AOPEP: variants seen among roughly 807,000 people sequenced by gnomAD.
The protein encoded by AOPEP is aminopeptidase O (putative).
Under a neutral mutation model 98.1 loss-of-function variants are expected in AOPEP, and 77 were observed. The observed-to-expected ratio is 0.78, with a 90% CI of 0.65 to 0.95. The LOEUF is 0.95. Among genes scored for constraint, AOPEP ranks in the 40% least tolerant of loss-of-function variants. The pLI, the probability that AOPEP is intolerant of heterozygous loss-of-function variation, is 0.00. For synonymous variants in AOPEP, 346 were observed against 365.3 expected, an observed-to-expected ratio of 0.95 and a Z score of 0.60; for missense variants, 1,024 against 1,024.7, an observed-to-expected ratio of 1.00 and a Z score of 0.01.
intron 5 of AOPEP, among the ~76,000 whole-genome samples, chr9:94,830,589 G>A (rs7038891): frequency 0.95 from 144,343 of 152,332 alleles, 68,409 homozygotes; most frequent in Middle Eastern, 0.99. Flanking sequence ...TATTTGGGTC[G>A]AATGGTATTT....
intron 11 of AOPEP, among the ~76,000 whole-genome samples, chr9:94,993,152 A>G (rs1453917166): frequency 6.6e-6 from 1 of 152,156 alleles, no homozygotes; most frequent in African/African-American, 2.4e-5. Context: ...AGATGAAAAA[A>G]TTTTTGCTGG....
chr9:95,118,746 C>T, the AOPEP span, among the ~76,000 whole-genome samples: 1 of 152,176 alleles, frequency 6.6e-6, no homozygotes, highest in Admixed American at 6.5e-5. Context: ...GCGAGTAGAT[C>T]ATTCTGTTTT....
intron 7 of AOPEP, among the ~76,000 whole-genome samples, chr9:94,944,943 T>C (rs957871149): frequency 3.3e-5 from 5 of 152,214 alleles, no homozygotes; most frequent in African/African-American, 1.2e-4. Flanking sequence ...ATGGAAATCA[T>C]TTAATGTTCT....
chr9:94,890,019 T>A (rs551757706), intron 5 of AOPEP, among the ~76,000 whole-genome samples: 1 of 151,646 alleles, frequency 6.6e-6, no homozygotes, highest in Admixed American at 6.6e-5. Context: ...CTAATTGTAT[T>A]ACTTGATTTT....
intron 4 of AOPEP, among the ~76,000 whole-genome samples, chr9:94,793,722 A>G (rs1289748145): frequency 1.3e-5 from 2 of 152,066 alleles, no homozygotes; most frequent in African/African-American, 2.4e-5. Context: ...GTTGAGAAGA[A>G]GAGATGTGAG....
intron 13 of AOPEP, among the ~76,000 whole-genome samples, chr9:95,017,609 G>A (rs1316864711): frequency 6.6e-6 from 1 of 152,142 alleles, no homozygotes; most frequent in Non-Finnish European, 1.5e-5. Context: ...CAGCAAAGAT[G>A]GTGATTCTGA....
At chr9:94,969,287 A>G (rs1181600636) in intron 10 of AOPEP, among the ~76,000 whole-genome samples, 1 of 152,052 alleles carries the variant, frequency 6.6e-6, no homozygotes, top group Non-Finnish European at 1.5e-5. Context: ...AGGCTGGCTG[A>G]CCACCGACAG....
At chr9:95,060,622 A>G in intron 13 of AOPEP, 72 bp from the exon 14 acceptor site, 1 of 986,150 alleles carries the variant, frequency 1.0e-6, no homozygotes, top group Non-Finnish European at 1.6e-6. Flanking sequence ...TGTGGTCTTC[A>G]GTCTGAACAT....
intron 7 of AOPEP, among the ~76,000 whole-genome samples, chr9:94,950,283 G>A (rs187779950): frequency 6.6e-6 from 1 of 152,352 alleles, no homozygotes; most frequent in East Asian, 1.9e-4. Flanking sequence ...ACAGAACGCA[G>A]ATAATAGCCA....
At position 94,930,147 on chromosome 9, in the gene AOPEP, C is replaced by T. The variant is rs1016564137; in HGVS notation, c.1661+1616C>T. 6.6e-6 allele frequency among the ~76,000 whole-genome samples: 1 copy of T among 152,210 alleles called. No individual in the cohort carries two copies. Among genetic ancestry groups the T allele is most frequent in the Non-Finnish European group, 1.5e-5 (1 of 68,048 alleles). ...CGGAAAGCCAGGAGAACGGTTGCAGCCTTGCAGTAGTCCATGCAAGAGGCC... is the reference window on the plus strand; with the variant it reads ...CGGAAAGCCAGGAGAACGGTTGCAGTCTTGCAGTAGTCCATGCAAGAGGCC... On this transcript the variant is annotated intron_variant, in intron 7 of 16. Transcript: ENST00000375315. This position sits in a 1 kb window ranked among gnomAD's most constrained non-coding sequence, Gnocchi z 4.5.
intron 11 of AOPEP, among the ~76,000 whole-genome samples, chr9:95,000,580 C>G (rs1041501464): frequency 6.6e-6 from 1 of 152,014 alleles, no homozygotes; most frequent in African/African-American, 2.4e-5. Context: ...TGGTGGCAGG[C>G]GCCTGTAATC....
chr9:95,085,484 CAGTGATT>C (rs2070528537), intron 16 of AOPEP: 1 of 532,944 alleles, frequency 1.9e-6, no homozygotes, highest in African/African-American at 1.9e-5. Flanking sequence ...GATTGGTGAA[CAGTGATT>C]GGTTTCCGCT....
the AOPEP span, among the ~76,000 whole-genome samples, chr9:95,112,567 T>C: frequency 5.0e-4 from 76 of 152,226 alleles, no homozygotes; most frequent in Non-Finnish European, 2.4e-4. Context: ...GGAGGCCACG[T>C]TGGCTGTGGG....
chr9:94,821,766 AT>A (rs957721019), intron 5 of AOPEP, among the ~76,000 whole-genome samples: 1 of 152,028 alleles, frequency 6.6e-6, no homozygotes, highest in Non-Finnish European at 1.5e-5. Context: ...TAACTAATCT[AT>A]TTTTTCTTTT....
chr9:94,933,651 A>G, intron 7 of AOPEP: 1 of 985,442 alleles, frequency 1.0e-6, no homozygotes, highest in South Asian at 4.7e-5. Context: ...ATCCATAGCC[A>G]AAATAAAGTC....
chr9:94,827,010 G>C (rs1220894967), intron 5 of AOPEP, among the ~76,000 whole-genome samples: 1 of 152,184 alleles, frequency 6.6e-6, no homozygotes, highest in Non-Finnish European at 1.5e-5. Flanking sequence ...ACTGGCTTTT[G>C]GTAGATCTTG....
In AOPEP at chr9:94,771,898, A is replaced by G. The variant is rs118055364; in HGVS notation, c.798-1104A>G. Among the ~76,000 whole-genome samples the G allele has an allele frequency of 3.2e-4, 49 of 152,208 alleles. No individual in the cohort carries two copies. In the East Asian group the frequency reaches 8.9e-3, roughly 28 times the overall value. ...CTCTGATTGGTCTCTCCGCTCTTCT[A>G]TCATTTAAACTCATTCCCGAGTTTA... On this transcript the variant is annotated intron_variant, in intron 2 of 16. Coordinates refer to ENST00000375315, the MANE Select transcript of AOPEP (RefSeq NM_001193329.3).
At chr9:94,843,834 C>G (rs1402975498) in intron 5 of AOPEP, among the ~76,000 whole-genome samples, 2 of 152,186 alleles carry the variant, frequency 1.3e-5, no homozygotes, top group Non-Finnish European at 2.9e-5. Flanking sequence ...TGGTTTCCCT[C>G]AAATATACCT....
chr9:94,768,349 CAAAAA>C (rs111818606), intron 2 of AOPEP, among the ~76,000 whole-genome samples: 1 of 150,490 alleles, frequency 6.6e-6, no homozygotes, highest in Non-Finnish European at 1.5e-5. Flanking sequence ...CATTTTTAAA[CAAAAA>C]AAAACCCCTT....
Sources: gnomAD v4.1 joint callset for allele counts (sites outside exome capture counted in the v4.1 genomes callset) on GRCh38, gnomAD v4.1.1 for gene constraint, Gnocchi (gnomAD v3.1) non-coding constraint, MANE v1.5 for transcripts, NCBI Gene and HGNC (gene_info 2026-07-23, HGNC 2026-07-21) for gene names.